PDCD1: variants seen among roughly 807,000 people sequenced by gnomAD.
The protein encoded by PDCD1 is programmed cell death protein 1.
PDCD1 carries 10 observed loss-of-function variants against 23.6 expected under a neutral mutation model. The observed-to-expected ratio is 0.42, with a 90% CI of 0.26 to 0.72. PDCD1 has a LOEUF of 0.72. Ranked by LOEUF, PDCD1 falls within the 30% of genes least tolerant of loss-of-function variation. The pLI is 0.24. For missense variants in PDCD1, 313 were observed against 397.8 expected, an observed-to-expected ratio of 0.79 and a Z score of 1.81; for synonymous variants, 168 against 169.3, an observed-to-expected ratio of 0.99 and a Z score of 0.06.
chr2:241,851,367 C>A, intron 4 of PDCD1, 70 bp from the exon 5 acceptor site: 2 of 1,521,690 alleles, frequency 1.3e-6, no homozygotes, highest in Non-Finnish European at 1.8e-6. Context: ...GGCTCCACAG[C>A]CTGGCTGCAG....
intron 1 of PDCD1, among the ~76,000 whole-genome samples, chr2:241,854,716 G>T (rs1031526279): frequency 6.6e-6 from 1 of 152,152 alleles, no homozygotes; most frequent in African/African-American, 2.4e-5. Flanking sequence ...GGACCCAGGG[G>T]CCCCACCACC....
At chr2:241,851,452 C>G (rs946345851) in intron 4 of PDCD1, among the ~76,000 whole-genome samples, 155 bp from the exon 5 acceptor site, 2 of 152,232 alleles carry the variant, frequency 1.3e-5, no homozygotes, top group Non-Finnish European at 2.9e-5. Context: ...TCTGTGTGAT[C>G]TGGGGACACC....
intron 1 of PDCD1, among the ~76,000 whole-genome samples, chr2:241,858,467 G>A (rs1188978245): frequency 6.6e-6 from 1 of 152,202 alleles, no homozygotes; most frequent in African/African-American, 2.4e-5. Flanking sequence ...GGAGCAAAGA[G>A]GGGACTTGGG....
chr2:241,850,131 T>G lies in PDCD1; in HGVS notation c.*927A>C, dbSNP rs1700871690. 1 of 230,428 alleles carries G rather than the reference T, an allele frequency of 4.3e-6. No individual in the cohort carries two copies. The highest frequency in any genetic ancestry group is 8.6e-6 in the Non-Finnish European group (1 of 116,450). 14.3% of individuals were successfully genotyped at this position (230,428 alleles called of 1,614,324 possible). On this transcript the variant is annotated 3_prime_UTR_variant, in exon 5 of 5. Transcript: ENST00000334409. ...GCCCGGCCAACCCCTTTAAATAATT[T>G]CAGGAATGGGTTCCAAGGAGAGCTC...
At chr2:241,855,464 G>A (rs1388209858) in intron 1 of PDCD1, among the ~76,000 whole-genome samples, 4 of 152,246 alleles carry the variant, frequency 2.6e-5, no homozygotes, top group Admixed American at 2.6e-4. Context: ...TAGATTTGGG[G>A]TGTTTCTATG....
Position 241,852,759 on chromosome 2 carries a change from G to A in PDCD1, c.298C>T (p.Leu100=), listed in dbSNP as rs1342303473. Residue 100 remains leucine, a synonymous_variant, in exon 2 of 5, where the codon CTG becomes TTG. Coordinates refer to ENST00000334409, the MANE Select transcript of PDCD1 (RefSeq NM_005018.3). The part of the protein sequence containing the change: ...GQDCRFRVTQ[L]PNGRDFHMSV... ...ATGTGGAAGTCACGCCCGTTGGGCA[G>A]TTGTGTGACACGGAAGCGGCAGTCC... 6.2e-7 allele frequency: 1 copy of A among 1,614,058 alleles called. No individual in the cohort carries two copies. The highest frequency in any genetic ancestry group is 1.7e-5 in the Admixed American group (1 of 60,030).
At chr2:241,857,978 C>T (rs74000562) in intron 1 of PDCD1, among the ~76,000 whole-genome samples, 9,675 of 152,150 alleles carry the variant, frequency 0.064, 1,057 homozygotes, top group East Asian at 0.48. Flanking sequence ...GGTCCAGGAG[C>T]GGGCTGTGGT....
rs1575399617 is a variant in PDCD1, at chr2:241,852,036, G to C, written c.593-53C>G. ...AGGCCGACCCTGAGCCGTGCTCCTA[G>C]GTGGGGGGTCTTAGTCCAGGGGCCT... On this transcript the variant is annotated intron_variant, in intron 3 of 4. Transcript: ENST00000334409. 2.5e-6 allele frequency: 4 copies of C among 1,588,932 alleles called. No individual in the cohort carries two copies. In the East Asian group the frequency reaches 9.0e-5, roughly 36 times the overall value.
At position 241,858,865 on chromosome 2, in the gene PDCD1, G is replaced by C. The variant is rs372207069; in HGVS notation, c.-27C>G. 1 of 1,549,478 alleles carries C rather than the reference G, an allele frequency of 6.5e-7. No homozygotes were observed. The highest frequency in any genetic ancestry group is 2.4e-5 in the East Asian group (1 of 41,732). ...CCTGGAGCAGCCCCACCAGAGTGCCGCCTTCTCCACTGCTCAGGCGGAGGT... is the reference window on the plus strand; with the variant it reads ...CCTGGAGCAGCCCCACCAGAGTGCCCCCTTCTCCACTGCTCAGGCGGAGGT... On this transcript the variant is annotated 5_prime_UTR_variant, in exon 1 of 5. Transcript: ENST00000334409.
At chr2:241,852,579 C>A in intron 2 of PDCD1, 42 bp downstream of exon 2, 1 of 1,591,228 alleles carries the variant, frequency 6.3e-7, no homozygotes, top group South Asian at 1.1e-5. Context: ...CACCCCAGGA[C>A]CGGCTCAGCT....
Position 241,858,823 on chromosome 2 carries a change from C to G in PDCD1, c.16G>C (p.Ala6Pro), listed in dbSNP as rs1033748408. MQIPQAPWPVVWAVLQ... is the reference protein window; with the variant it reads MQIPQPPWPVVWAVLQ... Reference sequence around the variant, plus strand: ...ACCGCCCAGACGACTGGCCAGGGCGCCTGTGGGATCTGCATGCCTGGAGCA... The same window carrying G: ...ACCGCCCAGACGACTGGCCAGGGCGGCTGTGGGATCTGCATGCCTGGAGCA... Residue 6 changes from alanine to proline, a missense_variant, in exon 1 of 5, where the codon GCG (alanine) becomes CCG (proline). Physicochemically the swap from Ala to Pro is conservative, Grantham distance 27. This residue lies in a region of PDCD1 where 135 missense variants were observed against 166.9 expected (regional missense o/e 0.81). Transcript: ENST00000334409. The G allele has an allele frequency of 6.3e-7, 1 of 1,580,308 alleles. No homozygotes were observed. Among genetic ancestry groups the G allele is most frequent in the Non-Finnish European group, 8.6e-7 (1 of 1,163,402 alleles).
At chr2:241,856,019 C>T (rs565109180) in intron 1 of PDCD1, among the ~76,000 whole-genome samples, 10 of 152,324 alleles carry the variant, frequency 6.6e-5, no homozygotes, top group Admixed American at 4.6e-4. Context: ...TGGCCATTGA[C>T]CAGCAGGCCT....
At position 241,852,724 on chromosome 2, in the gene PDCD1, G is replaced by A; in HGVS notation, c.333C>T (p.Val111=). Residue 111 remains valine, a synonymous_variant, in exon 2 of 5, where the codon GTC becomes GTT. Transcript: ENST00000334409. ...TGCCGCTGTCATTGCGCCGGGCCCT[G>A]ACCACGCTCATGTGGAAGTCACGCC... ...PNGRDFHMSV[V]RARRNDSGTY... is the part of the protein sequence containing the mutation. 1 of 1,613,892 alleles carries A rather than the reference G, an allele frequency of 6.2e-7. No individual in the cohort carries two copies. Among genetic ancestry groups the A allele is most frequent in the Non-Finnish European group, 8.5e-7 (1 of 1,179,970 alleles).
chr2:241,857,682 C>T (rs1203981683), intron 1 of PDCD1, among the ~76,000 whole-genome samples: 1 of 152,214 alleles, frequency 6.6e-6, no homozygotes, highest in Non-Finnish European at 1.5e-5. Flanking sequence ...AGGATGCTGC[C>T]TCAGGTGCCG....
At chr2:241,856,075 G>A (rs894484093) in intron 1 of PDCD1, among the ~76,000 whole-genome samples, 7 of 152,312 alleles carry the variant, frequency 4.6e-5, no homozygotes, top group Middle Eastern at 6.8e-3. Context: ...GGCAGAGCCT[G>A]GGGGATGCTT....
rs1282191832 is a variant in PDCD1, at chr2:241,852,201, G to A, written c.589C>T (p.Arg197Ter). The change falls in exon 3 of 5, where the codon CGA (arginine) becomes TGA (stop). Residue 197 changes from arginine (R) to a stop codon, truncating the protein, a stop_gained. Transcript: ENST00000334409. LOFTEE classifies it low-confidence loss of function (END_TRUNC). ...VLAVICSRAA[R>*]GTIGARRTGQ... The stretch of plus-strand genomic sequence containing the variant: ...CGAGGGGCTGGGATGACGTTACCTC[G>A]TGCGGCCCGGGAGCAGATGACGGCC... 1.2e-6 allele frequency: 2 copies of A among 1,608,474 alleles called. No homozygotes were observed. Among genetic ancestry groups the A allele is most frequent in the Non-Finnish European group, 1.7e-6 (2 of 1,178,714 alleles).
intron 1 of PDCD1, 67 bp from the exon 2 acceptor site, chr2:241,853,047 A>G (rs1700943191): frequency 1.3e-6 from 2 of 1,501,584 alleles, no homozygotes; most frequent in South Asian, 2.5e-5. Flanking sequence ...CCACCTGCTC[A>G]CATCCCTCGG....
Position 241,851,938 on chromosome 2 carries a change from G to C in PDCD1, c.627+11C>G. On this transcript the variant is annotated intron_variant, in intron 4 of 4. Transcript: ENST00000334409. ...GCACAGTGGATCATGCAGGAAAAGAGTGAGACTCACCAGGGGCTGGCCGGT... is the reference window on the plus strand; with the variant it reads ...GCACAGTGGATCATGCAGGAAAAGACTGAGACTCACCAGGGGCTGGCCGGT... The C allele has an allele frequency of 6.2e-7, 1 of 1,613,416 alleles. No individual in the cohort carries two copies. Among genetic ancestry groups the C allele is most frequent in the East Asian group, 2.2e-5 (1 of 44,884 alleles).
In PDCD1 at chr2:241,852,016, G is replaced by C. The variant is rs367546179; in HGVS notation, c.593-33C>G. The C allele has an allele frequency of 4.0e-4, 636 of 1,590,124 alleles. 2 individuals are homozygous for C. The highest frequency in any genetic ancestry group is 1.5e-3 in the Admixed American group (90 of 58,330). On this transcript the variant is annotated intron_variant, in intron 3 of 4. Coordinates refer to ENST00000334409, the MANE Select transcript of PDCD1 (RefSeq NM_005018.3). The stretch of plus-strand genomic sequence containing the variant: ...GAAACACACTTGGGGTCACCAGGCC[G>C]ACCCTGAGCCGTGCTCCTAGGTGGG...
Sources: gnomAD v4.1 joint callset for allele counts (sites outside exome capture counted in the v4.1 genomes callset) on GRCh38, gnomAD v4.1.1 for gene constraint, gnomAD v4.1.1 regional missense constraint, MANE v1.5 for transcripts, NCBI Gene and HGNC (gene_info 2026-07-23, HGNC 2026-07-21) for gene names.